The following CTNNA2 variants were observed in gnomAD, a reference collection of about 807,000 sequenced individuals.
CTNNA2 encodes catenin alpha 2.
CTNNA2 carries 42 observed loss-of-function variants against 101.0 expected under a neutral mutation model. The observed-to-expected ratio is 0.42, with a 90% CI of 0.32 to 0.54. The LOEUF (loss-of-function observed/expected upper bound fraction) is 0.54, where lower values mean the gene tolerates loss of function less well. Among genes scored for constraint, CTNNA2 ranks in the 20% least tolerant of loss-of-function variants. The probability of loss-of-function intolerance (pLI) is 0.14; values close to 1 mark genes in which losing one functional copy is unlikely to be tolerated. For synonymous variants in CTNNA2, 450 were observed against 456.4 expected (o/e 0.99, Z 0.18); for missense variants, 871 against 1,223.1 (o/e 0.71, Z 4.29).
Position 79,373,620 on chromosome 2 carries a change from G to T in CTNNA2, c.-317-211G>T, listed in dbSNP as rs572107411. Among the ~76,000 whole-genome samples the T allele has an allele frequency of 3.3e-5, 5 of 151,690 alleles. No homozygotes were observed. The South Asian group carries it at 1.0e-3, about 32-fold the overall frequency. ...CCTAAATGAGCCCACAGCCTGGATGGAGGGAGAGGAGGGAAACATACACAA... is the reference window on the plus strand; with the variant it reads ...CCTAAATGAGCCCACAGCCTGGATGTAGGGAGAGGAGGGAAACATACACAA... On this transcript the variant is annotated intron_variant, in intron 3 of 21. Transcript: ENST00000466387.
chr2:79,751,927 A>C (rs796882073), intron 3 of CTNNA2, among the ~76,000 whole-genome samples: 7 of 152,282 alleles, frequency 4.6e-5, no homozygotes, highest in African/African-American at 1.7e-4. Context: ...AAAGAAGCTA[A>C]AAGTTGCAGG....
chr2:79,284,554 G>T (rs1293947200), intron 2 of CTNNA2, among the ~76,000 whole-genome samples: 1 of 151,318 alleles, frequency 6.6e-6, no homozygotes, highest in African/African-American at 2.4e-5. Context: ...TTATATGCTG[G>T]ATTACATTTA....
intron 9 of CTNNA2, among the ~76,000 whole-genome samples, chr2:80,437,557 T>C (rs980210624): frequency 6.6e-6 from 1 of 152,210 alleles, no homozygotes; most frequent in Admixed American, 6.5e-5. Context: ...ATAATTACTA[T>C]TGAGTCAATG....
chr2:79,808,966 T>C (rs529861230), intron 3 of CTNNA2, among the ~76,000 whole-genome samples: 1 of 151,994 alleles, frequency 6.6e-6, no homozygotes, highest in African/African-American at 2.4e-5. Context: ...CAGACCCTGG[T>C]GTGTGATGTT....
At chr2:79,668,425 GT>G (rs11346721) in intron 2 of CTNNA2, among the ~76,000 whole-genome samples, 82,570 of 151,584 alleles carry the variant, frequency 0.54, 22,774 homozygotes, top group East Asian at 0.76. Context: ...AACTCTGTTA[GT>G]TTTTTTTAAC....
intron 7 of CTNNA2, among the ~76,000 whole-genome samples, chr2:79,995,951 C>T (rs552995118): frequency 1.3e-5 from 2 of 152,202 alleles, no homozygotes; most frequent in African/African-American, 2.4e-5. Flanking sequence ...CCTATTTTTG[C>T]TTTATACTTC....
intron 9 of CTNNA2, among the ~76,000 whole-genome samples, chr2:80,495,027 G>A: frequency 1.3e-5 from 2 of 152,132 alleles, no homozygotes; most frequent in East Asian, 3.9e-4. Context: ...GTGGCTCCTG[G>A]TTCTACGTGA....
At chr2:79,416,344 T>A (rs1349710329) in intron 4 of CTNNA2, among the ~76,000 whole-genome samples, 1 of 150,992 alleles carries the variant, frequency 6.6e-6, no homozygotes, top group Non-Finnish European at 1.5e-5. Flanking sequence ...TAATTTTGTA[T>A]CTTGTTACAA....
At chr2:80,589,146 G>C (rs1444881665) in intron 14 of CTNNA2, among the ~76,000 whole-genome samples, 158 bp from the exon 15 acceptor site, 1 of 152,086 alleles carries the variant, frequency 6.6e-6, no homozygotes, top group Non-Finnish European at 1.5e-5. Context: ...CTGTGCTCGT[G>C]GCCTCCCTGG....
intron 7 of CTNNA2, among the ~76,000 whole-genome samples, chr2:79,954,309 T>C (rs1195672901): frequency 2.6e-5 from 4 of 152,100 alleles, no homozygotes; most frequent in Non-Finnish European, 4.4e-5. Flanking sequence ...ACAAACCATA[T>C]CAAATACGTA....
At chr2:79,996,401 C>G (rs1285447805) in intron 7 of CTNNA2, among the ~76,000 whole-genome samples, 4 of 152,114 alleles carry the variant, frequency 2.6e-5, no homozygotes, top group Admixed American at 6.6e-5. Flanking sequence ...CAACATAATT[C>G]TGATTTGAGA....
At chr2:79,464,315 A>G (rs1391813640) in intron 4 of CTNNA2, among the ~76,000 whole-genome samples, 1 of 152,136 alleles carries the variant, frequency 6.6e-6, no homozygotes, top group East Asian at 1.9e-4. Context: ...ACATGAACTC[A>G]TCCTTCTTTG....
At chr2:80,491,257 C>G (rs1004705815) in intron 9 of CTNNA2, among the ~76,000 whole-genome samples, 1 of 152,166 alleles carries the variant, frequency 6.6e-6, no homozygotes, top group African/African-American at 2.4e-5. Context: ...AGGAATTACA[C>G]GTGAGCATCC....
chr2:79,508,408 A>T (rs1464403303), upstream of CTNNA2, among the ~76,000 whole-genome samples: 2 of 152,196 alleles, frequency 1.3e-5, no homozygotes, highest in African/African-American at 4.8e-5. Flanking sequence ...AAAATGTATT[A>T]AACAGACAGC....
At chr2:80,547,316 TA>T (rs1429112016) in intron 11 of CTNNA2, among the ~76,000 whole-genome samples, 3 of 152,186 alleles carry the variant, frequency 2.0e-5, no homozygotes, top group Non-Finnish European at 4.4e-5. Context: ...CTGCTTGATT[TA>T]ATTCTCATCA....
At chr2:79,307,532 A>G (rs933773407) in intron 2 of CTNNA2, among the ~76,000 whole-genome samples, 5 of 152,170 alleles carry the variant, frequency 3.3e-5, no homozygotes, top group Non-Finnish European at 7.3e-5. Flanking sequence ...AGCAATGTCC[A>G]TGTTGCTGTG....
chr2:79,998,701 A>G (rs1402801982), intron 7 of CTNNA2, among the ~76,000 whole-genome samples: 1 of 152,216 alleles, frequency 6.6e-6, no homozygotes, highest in African/African-American at 2.4e-5. Context: ...ATGAAAGGAA[A>G]GCAGTCATAT....
At chr2:80,409,465 T>C (rs1679368554) in intron 8 of CTNNA2, among the ~76,000 whole-genome samples, 1 of 152,160 alleles carries the variant, frequency 6.6e-6, no homozygotes, top group East Asian at 1.9e-4. Flanking sequence ...TTGATCGCTG[T>C]AGCTTTGTTA....
At chr2:80,167,217 T>C (rs1351605954) in intron 7 of CTNNA2, among the ~76,000 whole-genome samples, 1 of 152,314 alleles carries the variant, frequency 6.6e-6, no homozygotes, top group East Asian at 1.9e-4. Flanking sequence ...TCACACATTT[T>C]GTTTATATTT....
Sources: allele counts gnomAD v4.1 joint callset (sites outside exome capture counted in the v4.1 genomes callset), GRCh38; gene constraint gnomAD v4.1.1; transcripts MANE v1.5; gene names NCBI Gene and HGNC (gene_info 2026-07-23, HGNC 2026-07-21).